Variants in SCN11A observed in about 807,000 individuals in gnomAD.
SCN11A encodes sodium voltage-gated channel alpha subunit 11.
In SCN11A, 122 loss-of-function variants were observed where a neutral mutation model predicts 162.2. That is an observed-to-expected ratio of 0.75 (90% CI 0.65 to 0.87). The LOEUF (loss-of-function observed/expected upper bound fraction) is 0.87, where lower values mean the gene tolerates loss of function less well. Among genes scored for constraint, SCN11A ranks in the 40% least tolerant of loss-of-function variants. SCN11A has a pLI of 0.00. For synonymous variants in SCN11A, 758 were observed against 751.5 expected, an observed-to-expected ratio of 1.01 and a Z score of -0.14; for missense variants, 2,015 against 2,181.6, an observed-to-expected ratio of 0.92 and a Z score of 1.52.
chr3:39,031,869 A>G (rs1237728438), intron 2 of SCN11A, among the ~76,000 whole-genome samples: 1 of 152,222 alleles, frequency 6.6e-6, no homozygotes, highest in African/African-American at 2.4e-5. Context: ...TTACAGAAAA[A>G]GTTTGCCAAA....
intron 24 of SCN11A, 74 bp from the exon 25 acceptor site, chr3:38,871,782 G>A (rs1340038996): frequency 8.2e-7 from 1 of 1,224,434 alleles, no homozygotes; most frequent in Non-Finnish European, 1.1e-6. Context: ...TCTCAGCATG[G>A]GCCTGATGTG....
At chr3:38,850,082 A>G (rs182597918) in intron 29 of SCN11A, 1 of 170,154 alleles carries the variant, frequency 5.9e-6, no homozygotes, top group Admixed American at 6.1e-5. Flanking sequence ...AACAAAGGAA[A>G]AAACATGGGC....
At chr3:38,922,234 G>C (rs1446897606) in intron 9 of SCN11A, among the ~76,000 whole-genome samples, 1 of 152,216 alleles carries the variant, frequency 6.6e-6, no homozygotes, top group African/African-American at 2.4e-5. Flanking sequence ...GCCCTCAGTG[G>C]ATGGGCTTCC....
chr3:38,869,283 G>A (rs1003048371), intron 26 of SCN11A, among the ~76,000 whole-genome samples: 17 of 151,960 alleles, frequency 1.1e-4, no homozygotes, highest in Admixed American at 5.2e-4. Context: ...CTCCACCTCC[G>A]CACAGATGGA....
chr3:38,933,753 G>A (rs2066282293), intron 7 of SCN11A, among the ~76,000 whole-genome samples: 1 of 152,234 alleles, frequency 6.6e-6, no homozygotes, highest in Admixed American at 6.5e-5. Context: ...TCTGATTGGT[G>A]TACCTGAAAG....
In SCN11A at chr3:38,950,091, A is replaced by T; in HGVS notation, c.267+5T>A. 1 of 321,276 alleles carries T rather than the reference A, an allele frequency of 3.1e-6. No homozygotes were observed. The allele number at this position is 321,276 out of a possible 1,614,324, so 19.9% of individuals were successfully genotyped here. A position where few individuals can be genotyped will look rare whatever the true frequency, so the allele number is the denominator to read the frequency against. On this transcript the variant is annotated splice_donor_5th_base_variant and intron_variant, in intron 5 of 29. Coordinates refer to ENST00000302328, the MANE Select transcript of SCN11A (RefSeq NM_001349253.2). ...CCCACCCCCCCCCCCCGCCCAATGA[A>T]GTACCTTATGATTTCGGTAGAATGG...
At chr3:38,954,655 A>C (rs187621895) in intron 3 of SCN11A, among the ~76,000 whole-genome samples, 83 of 151,996 alleles carry the variant, frequency 5.5e-4, no homozygotes, top group Middle Eastern at 6.8e-3. Flanking sequence ...AACAAACAAA[A>C]AAACAAAAAA....
chr3:38,934,421 C>T (rs1336052247), intron 7 of SCN11A, among the ~76,000 whole-genome samples: 1 of 152,144 alleles, frequency 6.6e-6, no homozygotes, highest in African/African-American at 2.4e-5. Flanking sequence ...TTAAAAGACA[C>T]AGACTGGCAA....
intron 2 of SCN11A, among the ~76,000 whole-genome samples, chr3:38,976,663 T>C (rs1457192111): frequency 6.6e-6 from 1 of 152,194 alleles, no homozygotes; most frequent in African/African-American, 2.4e-5. Flanking sequence ...ACTAAACCTG[T>C]ATTGCACACT....
chr3:38,890,139 C>A (rs1364969405), intron 19 of SCN11A, among the ~76,000 whole-genome samples: 1 of 152,116 alleles, frequency 6.6e-6, no homozygotes, highest in Non-Finnish European at 1.5e-5. Context: ...AAGCGGCAGC[C>A]CAAGAATACT....
intron 1 of SCN11A, among the ~76,000 whole-genome samples, chr3:39,045,517 A>G (rs2032161868): frequency 6.6e-6 from 1 of 152,248 alleles, no homozygotes; most frequent in Non-Finnish European, 1.5e-5. Flanking sequence ...AAGATACATC[A>G]CATCAGCAGA....
chr3:38,948,006 A>G (rs1284909431), intron 5 of SCN11A, among the ~76,000 whole-genome samples: 1 of 152,236 alleles, frequency 6.6e-6, no homozygotes, highest in Non-Finnish European at 1.5e-5. Flanking sequence ...CAGGTGCCAG[A>G]ACGTCAGCCA....
intron 16 of SCN11A, among the ~76,000 whole-genome samples, chr3:38,902,236 G>A (rs1238858671): frequency 1.3e-5 from 2 of 152,184 alleles, no homozygotes; most frequent in African/African-American, 4.8e-5. Flanking sequence ...TCATTTCTGA[G>A]ATGCCTCAGC....
At chr3:38,985,927 T>A (rs1398157111) in intron 2 of SCN11A, among the ~76,000 whole-genome samples, 3 of 150,892 alleles carry the variant, frequency 2.0e-5, no homozygotes, top group Non-Finnish European at 4.4e-5. Context: ...TGGTTGGGAC[T>A]AAAGGGTCTG....
At chr3:38,905,860 T>G (rs1290927826) in intron 14 of SCN11A, among the ~76,000 whole-genome samples, 1 of 152,106 alleles carries the variant, frequency 6.6e-6, no homozygotes, top group African/African-American at 2.4e-5. Flanking sequence ...TCAAACACAC[T>G]CTCAAGCTGG....
chr3:38,885,397 A>C lies in SCN11A; in HGVS notation c.2955T>G (p.Ser985=). 6.3e-7 allele frequency: 1 copy of C among 1,580,260 alleles called. No individual in the cohort carries two copies. Residue 985 remains serine, a synonymous_variant, in exon 21 of 30, where the codon TCT becomes TCG. Transcript: ENST00000302328. Reference sequence around the variant, plus strand: ...ATTCTGATAGTATACTGGTAACATCAGACTTCTGCACATCAGAACAAAACG... The same window carrying C: ...ATTCTGATAGTATACTGGTAACATCCGACTTCTGCACATCAGAACAAAACG... ...HLTIQDPRKK[S]DVTSILSECS... is the part of the protein sequence containing the mutation.
chr3:38,929,239 A>T (rs6599271), intron 7 of SCN11A, among the ~76,000 whole-genome samples: 4 of 151,684 alleles, frequency 2.6e-5, no homozygotes, highest in Non-Finnish European at 4.4e-5. Context: ...TGTGGTATAT[A>T]CATGTGATGG....
intron 2 of SCN11A, among the ~76,000 whole-genome samples, chr3:38,971,913 T>C (rs1243415265): frequency 6.6e-6 from 1 of 152,082 alleles, no homozygotes; most frequent in Non-Finnish European, 1.5e-5. Context: ...AGAAAGACAC[T>C]TGTGCTTCAA....
intron 2 of SCN11A, among the ~76,000 whole-genome samples, chr3:38,968,771 C>T (rs1309775879): frequency 1.3e-5 from 2 of 152,206 alleles, no homozygotes; most frequent in Non-Finnish European, 2.9e-5. Flanking sequence ...GTGTGATCTC[C>T]TTTTGAACTT....
Sources: gnomAD v4.1 joint callset for allele counts (sites outside exome capture counted in the v4.1 genomes callset) on GRCh38, gnomAD v4.1.1 for gene constraint, MANE v1.5 for transcripts, NCBI Gene and HGNC (gene_info 2026-07-23, HGNC 2026-07-21) for gene names.